Variants in GNAQ observed in about 807,000 individuals in gnomAD.
The protein encoded by GNAQ is G protein subunit alpha q.
GNAQ carries 8 observed loss-of-function variants against 43.9 expected under a neutral mutation model. That is an observed-to-expected ratio of 0.18 (90% CI 0.11 to 0.33). GNAQ has a LOEUF of 0.33. Among genes scored for constraint, GNAQ ranks in the 10% least tolerant of loss-of-function variants. The probability of loss-of-function intolerance (pLI) is 1.00; values close to 1 mark genes in which losing one functional copy is unlikely to be tolerated. For synonymous variants in GNAQ, 155 were observed against 170.7 expected (o/e 0.91, Z 0.71); for missense variants, 158 against 450.8 (o/e 0.35, Z 5.88).
intron 1 of GNAQ, among the ~76,000 whole-genome samples, chr9:77,937,609 T>C (rs1564157137): frequency 2.0e-5 from 3 of 151,496 alleles, no homozygotes; most frequent in Admixed American, 6.6e-5. Context: ...TTAGAAAAGC[T>C]TGGCCGGGCA....
intron 5 of GNAQ, among the ~76,000 whole-genome samples, chr9:77,761,362 G>A (rs562623897): frequency 1.6e-3 from 221 of 137,276 alleles, no homozygotes; most frequent in African/African-American, 5.0e-3. Flanking sequence ...CCCCGTCCGG[G>A]AGGTGAGGGG....
In GNAQ at chr9:77,863,179, AAAGGAAGGAAGGAAGGAAGG is replaced by A. The variant is rs750178023; in HGVS notation, c.322-47429_322-47410del. Among the ~76,000 whole-genome samples the A allele has an allele frequency of 3.8e-5, 5 of 130,116 alleles. No individual in the cohort carries two copies. In the East Asian group the frequency reaches 6.7e-4, roughly 18 times the overall value. The allele number at this position is 130,116 out of a possible 152,430, so 85.4% of individuals were successfully genotyped here. On this transcript the variant is annotated intron_variant, in intron 2 of 6. Coordinates refer to ENST00000286548, the MANE Select transcript of GNAQ (RefSeq NM_002072.5). ...ACAAGAATGAAACTCCGTATGAAAG[AAAGGAAGGAAGGAAGGAAGG>A]AAGGAAGGAAGGAAGGAAGGGAGGA...
chr9:77,972,822 G>T (rs1823253754), intron 1 of GNAQ, among the ~76,000 whole-genome samples: 4 of 151,720 alleles, frequency 2.6e-5, no homozygotes. Flanking sequence ...GCGTGGTGGT[G>T]GGCACCTGTA....
At chr9:78,030,637 C>A in intron 1 of GNAQ, 1 of 437,786 alleles carries the variant, frequency 2.3e-6, no homozygotes, top group Non-Finnish European at 4.8e-6. Context: ...CCCCAACGTG[C>A]CCCGGCTCCG....
At chr9:77,744,705 C>A (rs1274913290) in intron 5 of GNAQ, among the ~76,000 whole-genome samples, 1 of 151,974 alleles carries the variant, frequency 6.6e-6, no homozygotes, top group African/African-American at 2.4e-5. Flanking sequence ...GTAAGAATTA[C>A]CATCTTGCTG....
At chr9:77,968,632 A>T (rs1475643295) in intron 1 of GNAQ, among the ~76,000 whole-genome samples, 1 of 152,258 alleles carries the variant, frequency 6.6e-6, no homozygotes, top group Admixed American at 6.5e-5. Flanking sequence ...TCCATTTCCC[A>T]ATCCACAACA....
At chr9:77,901,387 A>G (rs772808605) in intron 2 of GNAQ, among the ~76,000 whole-genome samples, 2 of 152,164 alleles carry the variant, frequency 1.3e-5, no homozygotes, top group Non-Finnish European at 2.9e-5. Context: ...TAGTCCCTAA[A>G]TTACTCAACT....
intron 3 of GNAQ, 129 bp from the exon 4 acceptor site, chr9:77,797,777 T>C (rs1291528542): frequency 4.1e-6 from 3 of 740,006 alleles, no homozygotes; most frequent in Non-Finnish European, 6.6e-6. Flanking sequence ...CAGAAAGTGG[T>C]AGAGGAGTCT....
At chr9:77,929,173 T>A (rs1829112115) in intron 1 of GNAQ, among the ~76,000 whole-genome samples, 2 of 152,206 alleles carry the variant, frequency 1.3e-5, no homozygotes, top group South Asian at 4.1e-4. Flanking sequence ...GCCAATCTGC[T>A]CAACTTATTC....
At chr9:77,769,681 T>C (rs112509698) in intron 5 of GNAQ, among the ~76,000 whole-genome samples, 2 of 150,318 alleles carry the variant, frequency 1.3e-5, no homozygotes, top group Non-Finnish European at 3.0e-5. Context: ...TTTTTTTTTT[T>C]TGGGATGGAG....
intron 2 of GNAQ, among the ~76,000 whole-genome samples, chr9:77,879,312 G>A (rs1828175656): frequency 6.6e-6 from 1 of 151,880 alleles, no homozygotes; most frequent in South Asian, 2.1e-4. Flanking sequence ...GGCCCAGGCT[G>A]GAGTGCAGTG....
intron 2 of GNAQ, among the ~76,000 whole-genome samples, chr9:77,877,939 T>C (rs1828150518): frequency 6.6e-6 from 1 of 152,158 alleles, no homozygotes. Context: ...TAAAACTTAA[T>C]GTCTAGCCCT....
chr9:78,020,296 T>A (rs1823892410), intron 1 of GNAQ, among the ~76,000 whole-genome samples: 1 of 152,024 alleles, frequency 6.6e-6, no homozygotes, highest in African/African-American at 2.4e-5. Flanking sequence ...CAGTAATAGA[T>A]GCATTTCTAT....
chr9:77,804,355 A>G (rs1244862589), intron 3 of GNAQ, among the ~76,000 whole-genome samples: 1 of 152,202 alleles, frequency 6.6e-6, no homozygotes, highest in African/African-American at 2.4e-5. Context: ...AACATATCAC[A>G]TTATAGCTAG....
At chr9:77,864,937 T>C (rs1464129752) in intron 2 of GNAQ, among the ~76,000 whole-genome samples, 1 of 152,166 alleles carries the variant, frequency 6.6e-6, no homozygotes, top group East Asian at 1.9e-4. Flanking sequence ...CTAGAGTATT[T>C]TGAGTGTGCC....
intron 1 of GNAQ, among the ~76,000 whole-genome samples, chr9:77,967,414 T>A (rs1324606287): frequency 1.3e-5 from 2 of 152,262 alleles, no homozygotes; most frequent in East Asian, 1.9e-4. Flanking sequence ...AGATTTCGGG[T>A]CCAGCTTTCT....
intron 5 of GNAQ, among the ~76,000 whole-genome samples, chr9:77,772,228 T>A (rs973420323): frequency 9.9e-5 from 15 of 152,216 alleles, no homozygotes; most frequent in African/African-American, 3.6e-4. Flanking sequence ...GACTGTGATA[T>A]CCTTTAACAT....
chr9:77,951,025 C>T (rs1396612136), intron 1 of GNAQ, among the ~76,000 whole-genome samples: 3 of 150,768 alleles, frequency 2.0e-5, no homozygotes, highest in Non-Finnish European at 4.4e-5. Flanking sequence ...TATCCTGTAT[C>T]TTCACCCCAG....
At chr9:77,761,904 G>T (rs1357277606) in intron 5 of GNAQ, among the ~76,000 whole-genome samples, 18 of 120,836 alleles carry the variant, frequency 1.5e-4, no homozygotes, top group African/African-American at 4.6e-4. Context: ...GAGGTGGGGG[G>T]TCAGCCCCCC....
Sources: allele counts gnomAD v4.1 joint callset (sites outside exome capture counted in the v4.1 genomes callset), GRCh38; gene constraint gnomAD v4.1.1; transcripts MANE v1.5; gene names NCBI Gene and HGNC (gene_info 2026-07-23, HGNC 2026-07-21).